Variants in NDUFAF6 observed in about 807,000 individuals in gnomAD.
NDUFAF6 encodes NADH:ubiquinone oxidoreductase complex assembly factor 6.
Under a neutral mutation model 40.8 loss-of-function variants are expected in NDUFAF6, and 45 were observed. The observed-to-expected ratio is 1.10, with a 90% CI of 0.87 to 1.42. The LOEUF (loss-of-function observed/expected upper bound fraction) is 1.42, where lower values mean the gene tolerates loss of function less well. Among genes scored for constraint, NDUFAF6 ranks in the 40% most tolerant of loss-of-function variants. The pLI, the probability that NDUFAF6 is intolerant of heterozygous loss-of-function variation, is 0.00. For missense variants in NDUFAF6, 435 were observed against 418.5 expected, an observed-to-expected ratio of 1.04 and a Z score of -0.34; for synonymous variants, 185 against 155.9, an observed-to-expected ratio of 1.19 and a Z score of -1.39.
At chr8:94,997,289 G>GACACACACACACACACAC (rs57953301) in intron 2 of NDUFAF6, among the ~76,000 whole-genome samples, 1 of 94,676 alleles carries the variant, frequency 1.1e-5, no homozygotes, top group Non-Finnish European at 2.0e-5. Context: ...CAAGAAGAAA[G>GACACACACACACACACAC]ACACACACAC....
intron 1 of NDUFAF6, among the ~76,000 whole-genome samples, chr8:94,910,646 G>A (rs1034456765): frequency 6.6e-6 from 1 of 152,166 alleles, no homozygotes; most frequent in African/African-American, 2.4e-5. Flanking sequence ...CCATTGTTTG[G>A]CCTTGCATAT....
intron 1 of NDUFAF6, chr8:94,929,078 C>T (rs1215266808): frequency 6.6e-6 from 1 of 152,590 alleles, no homozygotes; most frequent in Non-Finnish European, 1.5e-5. Flanking sequence ...TAGATTTTCT[C>T]TAAGTTAACT....
chr8:95,021,888 C>T (rs572438631), upstream of NDUFAF6, among the ~76,000 whole-genome samples: 21 of 152,314 alleles, frequency 1.4e-4, no homozygotes, highest in African/African-American at 5.1e-4. Context: ...CTAATTGCTA[C>T]TGGTGTCCAA....
chr8:94,939,147 AG>A (rs1821277779), intron 1 of NDUFAF6, among the ~76,000 whole-genome samples: 1 of 152,220 alleles, frequency 6.6e-6, no homozygotes, highest in Non-Finnish European at 1.5e-5. Flanking sequence ...TTCTCAGACA[AG>A]GTTTTCAAGG....
chr8:94,967,092 A>G (rs1824069817), intron 1 of NDUFAF6, among the ~76,000 whole-genome samples: 1 of 152,204 alleles, frequency 6.6e-6, no homozygotes, highest in Admixed American at 6.5e-5. Flanking sequence ...AAAAAAAGGA[A>G]CATGCGGAGA....
chr8:95,002,095 G>A (rs1318861212), intron 2 of NDUFAF6, among the ~76,000 whole-genome samples: 1 of 152,160 alleles, frequency 6.6e-6, no homozygotes, highest in Admixed American at 6.5e-5. Context: ...ATGTTCAGTG[G>A]AATGCTGCAT....
intron 1 of NDUFAF6, among the ~76,000 whole-genome samples, chr8:94,917,683 A>T (rs1478774954): frequency 6.6e-6 from 1 of 152,216 alleles, no homozygotes; most frequent in Non-Finnish European, 1.5e-5. Flanking sequence ...TAAATGTACA[A>T]ATTCTATTAA....
intron 2 of NDUFAF6, among the ~76,000 whole-genome samples, chr8:95,092,490 C>T (rs1314598348): frequency 6.6e-6 from 1 of 151,112 alleles, no homozygotes; most frequent in Non-Finnish European, 1.5e-5. Context: ...CCCCCTATGA[C>T]ATAATTTGAT....
intron 1 of NDUFAF6, among the ~76,000 whole-genome samples, chr8:94,944,506 G>A (rs1465598775): frequency 6.6e-6 from 1 of 152,216 alleles, no homozygotes; most frequent in Non-Finnish European, 1.5e-5. Flanking sequence ...AGCAGTACAA[G>A]TCAGTGCTCT....
intron 1 of NDUFAF6, among the ~76,000 whole-genome samples, chr8:94,971,455 A>ATTGGGCT (rs1181591825): frequency 6.6e-6 from 1 of 152,134 alleles, no homozygotes; most frequent in Non-Finnish European, 1.5e-5. Context: ...CAGATGGATC[A>ATTGGGCT]TTGGGCTTCT....
At chr8:95,075,034 C>T (rs1156931284) in intron 9 of NDUFAF6, among the ~76,000 whole-genome samples, 2 of 152,026 alleles carry the variant, frequency 1.3e-5, no homozygotes, top group Non-Finnish European at 2.9e-5. Flanking sequence ...GGTAAGCAAA[C>T]ACATCCCTCA....
upstream of NDUFAF6, among the ~76,000 whole-genome samples, chr8:94,957,633 T>C (rs886750581): frequency 5.9e-5 from 9 of 152,148 alleles, no homozygotes; most frequent in Admixed American, 1.3e-4. Flanking sequence ...AGCAGATGTA[T>C]TGATAGCAAT....
At chr8:95,057,717 C>A in intron 8 of NDUFAF6, 92 bp from the exon 9 acceptor site, 1 of 1,021,638 alleles carries the variant, frequency 9.8e-7, no homozygotes, top group Non-Finnish European at 1.5e-6. Flanking sequence ...CTAAAATAGC[C>A]TAAATACTTG....
At chr8:95,039,575 C>T (rs1402449478) in intron 3 of NDUFAF6, among the ~76,000 whole-genome samples, 1 of 151,508 alleles carries the variant, frequency 6.6e-6, no homozygotes, top group Non-Finnish European at 1.5e-5. Context: ...ACCGCCCCGG[C>T]CTAATATTTT....
chr8:94,934,235 T>C (rs1363462301), intron 1 of NDUFAF6, among the ~76,000 whole-genome samples: 1 of 152,194 alleles, frequency 6.6e-6, no homozygotes, highest in Non-Finnish European at 1.5e-5. Context: ...TTTCCAATTT[T>C]TGCATATTTG....
intron 2 of NDUFAF6, among the ~76,000 whole-genome samples, chr8:94,952,911 C>T (rs181230344): frequency 6.6e-6 from 1 of 152,198 alleles, no homozygotes; most frequent in Non-Finnish European, 1.5e-5. Context: ...AGGGGGGAGT[C>T]CCCAAGAGGT....
chr8:94,975,785 C>A (rs1463609851), intron 1 of NDUFAF6: 1 of 152,134 alleles, frequency 6.6e-6, no homozygotes, highest in Admixed American at 6.5e-5. Flanking sequence ...TTTGCTAATT[C>A]TTTCTAATTA....
At chr8:95,075,475 G>C (rs950063868) in intron 9 of NDUFAF6, among the ~76,000 whole-genome samples, 1 of 152,126 alleles carries the variant, frequency 6.6e-6, no homozygotes, top group Non-Finnish European at 1.5e-5. Flanking sequence ...CCCCCAAACA[G>C]ACATTTATTA....
intron 2 of NDUFAF6, among the ~76,000 whole-genome samples, chr8:94,947,563 T>C (rs920341456): frequency 3.3e-5 from 5 of 152,186 alleles, no homozygotes; most frequent in Admixed American, 2.6e-4. Context: ...TAATTTAAAA[T>C]GGATTTTGAA....
Sources: gnomAD v4.1 joint callset for allele counts (sites outside exome capture counted in the v4.1 genomes callset) on GRCh38, gnomAD v4.1.1 for gene constraint, MANE v1.5 for transcripts, NCBI Gene and HGNC (gene_info 2026-07-23, HGNC 2026-07-21) for gene names.